ANG: variants seen among roughly 807,000 people sequenced by gnomAD.
ANG encodes Homo sapiens epididymis luminal protein 168.
For synonymous variants in ANG, 74 were observed against 73.8 expected (o/e 1.00, Z -0.02); for missense variants, 178 against 187.4 (o/e 0.95, Z 0.29).
In ANG at chr14:20,694,125, AC is replaced by A; in HGVS notation, c.*119del. ...AGGGCCCAAAGAAAGAGCTACCTGGACCTTTTGTTTTCTGTTTGACAACATG... is the reference window on the plus strand; with the variant it reads ...AGGGCCCAAAGAAAGAGCTACCTGGACTTTTGTTTTCTGTTTGACAACATG... On this transcript the variant is annotated 3_prime_UTR_variant, in exon 2 of 2. Transcript: ENST00000397990. 7.0e-6 allele frequency: 8 copies of A among 1,135,354 alleles called. No individual in the cohort carries two copies. The highest frequency in any genetic ancestry group is 8.0e-6 in the Non-Finnish European group (6 of 753,860). The allele number at this position is 1,135,354 out of a possible 1,614,324, so 70.3% of individuals were successfully genotyped here.
At position 20,694,179 on chromosome 14, in the gene ANG, A is replaced by C. The variant is rs1886988569; in HGVS notation, c.*171A>C. On this transcript the variant is annotated 3_prime_UTR_variant, in exon 2 of 2. Coordinates refer to ENST00000397990, the MANE Select transcript of ANG (RefSeq NM_001097577.3). ...TAATAAATAAAAATGTCTTGATATC[A>C]GTAAGAATCAGAGTCTTCTCACTGA... is the stretch of plus-strand genomic sequence containing the variant. 1.4e-6 allele frequency: 1 copy of C among 724,354 alleles called. No homozygotes were observed. Among genetic ancestry groups the C allele is most frequent in the Admixed American group, 2.5e-5 (1 of 40,650 alleles). 44.9% of individuals were successfully genotyped at this position (724,354 alleles called of 1,614,324 possible).
chr14:20,693,333 T>C, intron 1 of ANG: 2 of 628,202 alleles, frequency 3.2e-6, no homozygotes, highest in Non-Finnish European at 5.6e-6. Context: ...CGGTTGGAGC[T>C]AGAGGTTGTG....
At chr14:20,688,217 A>C (rs75343336), upstream of ANG, among the ~76,000 whole-genome samples, 7,069 of 152,222 alleles carry the variant, frequency 0.046, 513 homozygotes, top group African/African-American at 0.16. Context: ...AGTTGAGTGT[A>C]GGGGGAGGGG....
chr14:20,685,866 C>T (rs1006278602), upstream of ANG, among the ~76,000 whole-genome samples: 28 of 152,014 alleles, frequency 1.8e-4, no homozygotes, highest in African/African-American at 6.5e-4. Flanking sequence ...ATGGTGAAAC[C>T]TCGTCTCTAC....
At chr14:20,689,415 G>A (rs1296026120) in intron 1 of ANG, among the ~76,000 whole-genome samples, 1 of 152,152 alleles carries the variant, frequency 6.6e-6, no homozygotes, top group Admixed American at 6.5e-5. Context: ...TTACTTTGGG[G>A]GATTTTGCCC....
chr14:20,692,013 T>C (rs1205631745), intron 1 of ANG, among the ~76,000 whole-genome samples: 1 of 152,206 alleles, frequency 6.6e-6, no homozygotes, highest in African/African-American at 2.4e-5. Context: ...TTGTACAACA[T>C]TGGTGCTTCC....
intron 1 of ANG, among the ~76,000 whole-genome samples, chr14:20,692,993 G>A (rs1210584630): frequency 1.3e-5 from 2 of 150,898 alleles, no homozygotes; most frequent in Non-Finnish European, 3.0e-5. Context: ...GACTACAGGC[G>A]CCCGCCACTA....
In ANG at chr14:20,694,154, T is replaced by C; in HGVS notation, c.*146T>C. ...TTTGTTTTCTGTTTGACAACATGTT[T>C]AATAAATAAAAATGTCTTGATATCA... On this transcript the variant is annotated 3_prime_UTR_variant, in exon 2 of 2. Transcript: ENST00000397990. The C allele has an allele frequency of 1.2e-6, 1 of 847,886 alleles. No individual in the cohort carries two copies. The highest frequency in any genetic ancestry group is 1.9e-6 in the Non-Finnish European group (1 of 514,830). 52.5% of individuals were successfully genotyped at this position (847,886 alleles called of 1,614,324 possible).
At chr14:20,692,608 AAT>A in intron 1 of ANG, among the ~76,000 whole-genome samples, 1 of 152,336 alleles carries the variant, frequency 6.6e-6, no homozygotes, top group East Asian at 1.9e-4. Context: ...GAATCTAACT[AAT>A]GCTTGATGAT....
upstream of ANG, among the ~76,000 whole-genome samples, chr14:20,687,825 A>G (rs911811898): frequency 2.6e-5 from 4 of 152,188 alleles, no homozygotes; most frequent in Non-Finnish European, 5.9e-5. Context: ...ACACCTTCTC[A>G]AGTGCAGCCA....
Position 20,694,027 on chromosome 14 carries a change from A to T in ANG, c.*19A>T, listed in dbSNP as rs1886974250. 8 of 1,613,886 alleles carry T rather than the reference A, an allele frequency of 5.0e-6. No individual in the cohort carries two copies. In the East Asian group the frequency reaches 1.6e-4, roughly 31 times the overall value. ...TCCGTAACCAGCGGGCCCCTGGTCAAGTGCTGGCTCTGCTGTCCTTGCCTT... is the reference window on the plus strand; with the variant it reads ...TCCGTAACCAGCGGGCCCCTGGTCATGTGCTGGCTCTGCTGTCCTTGCCTT... On this transcript the variant is annotated 3_prime_UTR_variant, in exon 2 of 2. Coordinates refer to ENST00000397990, the MANE Select transcript of ANG (RefSeq NM_001097577.3).
intron 1 of ANG, among the ~76,000 whole-genome samples, chr14:20,689,700 T>A (rs889174468): frequency 6.6e-6 from 1 of 152,060 alleles, no homozygotes; most frequent in Non-Finnish European, 1.5e-5. Flanking sequence ...CCGGATCAAC[T>A]GAGGTCAGGA....
upstream of ANG, among the ~76,000 whole-genome samples, chr14:20,686,360 C>T (rs1354819632): frequency 6.6e-6 from 1 of 152,162 alleles, no homozygotes; most frequent in East Asian, 1.9e-4. Context: ...AGGTTATAAG[C>T]AGGCAAGAGT....
Position 20,694,087 on chromosome 14 carries a change from A to G in ANG, c.*79A>G. The G allele has an allele frequency of 3.9e-6, 6 of 1,526,842 alleles. No individual in the cohort carries two copies. The highest frequency in any genetic ancestry group is 3.6e-6 in the Non-Finnish European group (4 of 1,100,836). The allele number at this position is 1,526,842 out of a possible 1,614,324, so 94.6% of individuals were successfully genotyped here. On this transcript the variant is annotated 3_prime_UTR_variant, in exon 2 of 2. Transcript: ENST00000397990. ...CTCTGCACCCAGAACAGTGGTGGCA[A>G]CATTCATTGCCAAGGGCCCAAAGAA...
chr14:20,685,041 G>A (rs896849803), upstream of ANG, among the ~76,000 whole-genome samples: 9 of 152,140 alleles, frequency 5.9e-5, no homozygotes, highest in African/African-American at 2.2e-4. Context: ...CCGAACCTAA[G>A]GGAAGCCCTA....
chr14:20,687,683 A>T (rs1405251071), upstream of ANG, among the ~76,000 whole-genome samples: 1 of 152,212 alleles, frequency 6.6e-6, no homozygotes, highest in Non-Finnish European at 1.5e-5. Context: ...TGCCTACCTC[A>T]CACAGTCCTG....
upstream of ANG, among the ~76,000 whole-genome samples, chr14:20,687,307 G>A (rs1483218404): frequency 1.3e-5 from 2 of 152,232 alleles, no homozygotes; most frequent in African/African-American, 4.8e-5. Flanking sequence ...TGGGCAGATT[G>A]TGTATCCTCC....
intron 1 of ANG, among the ~76,000 whole-genome samples, chr14:20,689,927 AAAAAC>A (rs1276935662): frequency 3.3e-4 from 49 of 150,728 alleles, no homozygotes; most frequent in Non-Finnish European, 5.3e-4. Flanking sequence ...AAAAAAAAAA[AAAAAC>A]AGGCCGGGCG....
chr14:20,691,443 G>A (rs1886740162), intron 1 of ANG, among the ~76,000 whole-genome samples: 1 of 152,232 alleles, frequency 6.6e-6, no homozygotes, highest in African/African-American at 2.4e-5. Flanking sequence ...AGACTGAAAA[G>A]CATGATGTAA....
Sources: gnomAD v4.1 joint callset for allele counts (sites outside exome capture counted in the v4.1 genomes callset) on GRCh38, gnomAD v4.1.1 for gene constraint, MANE v1.5 for transcripts, NCBI Gene and HGNC (gene_info 2026-07-23, HGNC 2026-07-21) for gene names.